Variants in PAX5 observed in about 807,000 individuals in gnomAD.
The protein encoded by PAX5 is paired box protein Pax-5.
In PAX5, 9 loss-of-function variants were observed where a neutral mutation model predicts 43.7. The ratio of observed to expected loss-of-function variants is 0.21; its 90% CI spans 0.12 to 0.36. PAX5 has a LOEUF of 0.36. PAX5 is among the 10% of genes least tolerant of loss of function. The probability of loss-of-function intolerance (pLI) is 1.00; values close to 1 mark genes in which losing one functional copy is unlikely to be tolerated. For synonymous variants in PAX5, 228 were observed against 214.3 expected (o/e 1.06, Z -0.56); for missense variants, 383 against 532.7 (o/e 0.72, Z 2.77).
At chr9:37,032,920 C>T (rs1461931931) in intron 1 of PAX5, among the ~76,000 whole-genome samples, 2 of 152,254 alleles carry the variant, frequency 1.3e-5, no homozygotes, top group Non-Finnish European at 2.9e-5. Flanking sequence ...GCTGAATGCC[C>T]AGACTATGCA....
intron 8 of PAX5, among the ~76,000 whole-genome samples, chr9:36,856,902 C>A (rs1823732544): frequency 6.6e-6 from 1 of 152,212 alleles, no homozygotes. Context: ...TGGCCACTGG[C>A]AGATGCTTGG....
At chr9:36,947,583 T>C (rs1832643427) in intron 6 of PAX5, among the ~76,000 whole-genome samples, 1 of 152,026 alleles carries the variant, frequency 6.6e-6, no homozygotes, top group African/African-American at 2.4e-5. Flanking sequence ...TTGCTCTGTT[T>C]CCCAGGCTGG....
At chr9:36,903,816 C>T (rs1404841897) in intron 7 of PAX5, among the ~76,000 whole-genome samples, 1 of 152,176 alleles carries the variant, frequency 6.6e-6, no homozygotes, top group Non-Finnish European at 1.5e-5. Flanking sequence ...CAGTCCCGGC[C>T]CCTACACGTG....
At chr9:36,869,935 GATAAATGGATGGATGGATGGATGGATAA>G (rs1825301342) in intron 8 of PAX5, among the ~76,000 whole-genome samples, 1 of 108,214 alleles carries the variant, frequency 9.2e-6, no homozygotes, top group African/African-American at 4.8e-5. Flanking sequence ...TGGATGGATG[GATAAATGGATGGATGGATGGATGGATAA>G]ATGGATGGAT....
chr9:36,937,606 T>C (rs3780154), intron 6 of PAX5, among the ~76,000 whole-genome samples: 115,652 of 152,106 alleles, frequency 0.76, 44,145 homozygotes, highest in East Asian at 0.8. Flanking sequence ...CCTCTTTAGA[T>C]AACCCACCTG....
chr9:36,855,783 C>T (rs1823611529), intron 8 of PAX5, among the ~76,000 whole-genome samples: 2 of 152,222 alleles, frequency 1.3e-5, no homozygotes, highest in South Asian at 2.1e-4. Flanking sequence ...TTGTTCTGCA[C>T]ACCTACTCCA....
At chr9:36,842,194 A>G (rs1359486332) in intron 9 of PAX5, among the ~76,000 whole-genome samples, 2 of 152,192 alleles carry the variant, frequency 1.3e-5, no homozygotes, top group Non-Finnish European at 2.9e-5. Flanking sequence ...CCCGACTCAG[A>G]GACCCCTGTC....
At chr9:36,941,644 C>A (rs573301465) in intron 6 of PAX5, among the ~76,000 whole-genome samples, 2 of 152,186 alleles carry the variant, frequency 1.3e-5, no homozygotes, top group African/African-American at 2.4e-5. Context: ...TCAGACTCCC[C>A]CTCTTTGCCT....
intron 8 of PAX5, among the ~76,000 whole-genome samples, chr9:36,861,622 G>C (rs774244250): frequency 6.6e-6 from 1 of 151,912 alleles, no homozygotes; most frequent in Non-Finnish European, 1.5e-5. Flanking sequence ...CTGTGGGAAG[G>C]GCCCTCTAAG....
intron 7 of PAX5, among the ~76,000 whole-genome samples, chr9:36,910,274 T>C (rs146969105): frequency 6.6e-6 from 1 of 152,310 alleles, no homozygotes; most frequent in African/African-American, 2.4e-5. Context: ...TGCATTCCCA[T>C]TGTCCCTTTT....
At chr9:37,032,886 G>A (rs1841122100) in intron 1 of PAX5, among the ~76,000 whole-genome samples, 1 of 152,236 alleles carries the variant, frequency 6.6e-6, no homozygotes, top group African/African-American at 2.4e-5. Flanking sequence ...AGCCAGGGAG[G>A]CCTGTGCGCA....
At chr9:36,869,689 A>G (rs1825233146) in intron 8 of PAX5, among the ~76,000 whole-genome samples, 1 of 152,190 alleles carries the variant, frequency 6.6e-6, no homozygotes, top group African/African-American at 2.4e-5. Context: ...TTTGCCTGAC[A>G]AGGGTCATGA....
intron 5 of PAX5, among the ~76,000 whole-genome samples, chr9:36,998,563 C>G (rs919631615): frequency 2.2e-4 from 34 of 152,208 alleles, no homozygotes; most frequent in Admixed American, 2.6e-4. Context: ...GCTGTGTTGT[C>G]CAATACAGCA....
In PAX5 at chr9:36,837,499, G is replaced by A. The variant is rs1199691972; in HGVS notation, c.*3061C>T. On this transcript the variant is annotated 3_prime_UTR_variant, in exon 10 of 10. Coordinates refer to ENST00000358127, the MANE Select transcript of PAX5 (RefSeq NM_016734.3). ...AGAAATGCCCCAGGCCTTCTGCCAC[G>A]ATGCTGGTGAGGCCCCGGACTTGTG... 3.0e-5 allele frequency: 7 copies of A among 233,226 alleles called. No homozygotes were observed. The highest frequency in any genetic ancestry group is 1.2e-3 in the Middle Eastern group (1 of 808). 14.4% of individuals were successfully genotyped at this position (233,226 alleles called of 1,614,324 possible).
chr9:36,913,985 A>G (rs1829527955), intron 7 of PAX5, among the ~76,000 whole-genome samples: 1 of 152,118 alleles, frequency 6.6e-6, no homozygotes, highest in African/African-American at 2.4e-5. Context: ...CCACCCCCCA[A>G]CAGCTCCTGG....
intron 8 of PAX5, among the ~76,000 whole-genome samples, chr9:36,859,894 G>A (rs936538465): frequency 1.3e-5 from 2 of 152,042 alleles, no homozygotes; most frequent in African/African-American, 4.8e-5. Flanking sequence ...AATTAGCCAG[G>A]CATGGTGGTG....
At chr9:36,868,018 A>G (rs1318532962) in intron 8 of PAX5, among the ~76,000 whole-genome samples, 3 of 152,194 alleles carry the variant, frequency 2.0e-5, no homozygotes, top group Non-Finnish European at 4.4e-5. Context: ...GTGACAGTCA[A>G]GTGAAAGGGA....
intron 7 of PAX5, among the ~76,000 whole-genome samples, chr9:36,920,829 T>C (rs1266851297): frequency 9.0e-6 from 1 of 111,206 alleles, no homozygotes; most frequent in East Asian, 3.1e-4. Flanking sequence ...TTTTTTTTTT[T>C]TGAGACAGAG....
intron 5 of PAX5, among the ~76,000 whole-genome samples, chr9:36,989,534 C>A (rs1836749516): frequency 6.6e-6 from 1 of 152,144 alleles, no homozygotes; most frequent in Non-Finnish European, 1.5e-5. Flanking sequence ...TATAGTTATC[C>A]CATATTGCAG....
Sources: gnomAD v4.1 joint callset for allele counts (sites outside exome capture counted in the v4.1 genomes callset) on GRCh38, gnomAD v4.1.1 for gene constraint, MANE v1.5 for transcripts, NCBI Gene and HGNC (gene_info 2026-07-23, HGNC 2026-07-21) for gene names.